Variants in DYM observed in about 807,000 individuals in gnomAD.
The protein encoded by DYM is dyggve-Melchior-Clausen syndrome protein.
In DYM, 78 loss-of-function variants were observed where a neutral mutation model predicts 93.1. The observed-to-expected ratio is 0.84, with a 90% confidence interval of 0.70 to 1.01. The LOEUF (loss-of-function observed/expected upper bound fraction) is 1.01. DYM is among the 50% of genes least tolerant of loss of function. The probability of loss-of-function intolerance (pLI) is 0.00; values close to 1 mark genes in which losing one functional copy is unlikely to be tolerated. For synonymous variants in DYM, 321 were observed against 319.7 expected (o/e 1.00, Z -0.04); for missense variants, 789 against 845.0 (o/e 0.93, Z 0.82).
intron 13 of DYM, among the ~76,000 whole-genome samples, chr18:49,235,364 T>A (rs1241161460): frequency 6.6e-6 from 1 of 152,182 alleles, no homozygotes; most frequent in East Asian, 1.9e-4. Flanking sequence ...ATCTGACTGA[T>A]ACACCTGATG....
At chr18:49,437,488 C>T (rs1297159347) in intron 1 of DYM, among the ~76,000 whole-genome samples, 1 of 152,146 alleles carries the variant, frequency 6.6e-6, no homozygotes, top group Admixed American at 6.6e-5. Flanking sequence ...ATGTCATTCT[C>T]CAATAAGATA....
chr18:49,085,111 C>T (rs937120766), intron 17 of DYM, among the ~76,000 whole-genome samples: 1 of 152,182 alleles, frequency 6.6e-6, no homozygotes, highest in East Asian at 1.9e-4. Flanking sequence ...GTAGATGAGA[C>T]CTTGACTATG....
chr18:49,228,882 C>A (rs2093617440), intron 13 of DYM, among the ~76,000 whole-genome samples: 1 of 151,974 alleles, frequency 6.6e-6, no homozygotes, highest in Non-Finnish European at 1.5e-5. Context: ...CCAAAGAAGA[C>A]CTAAATTCTG....
intron 8 of DYM, among the ~76,000 whole-genome samples, chr18:49,298,049 C>G (rs2060669609): frequency 6.6e-6 from 1 of 152,102 alleles, no homozygotes; most frequent in Admixed American, 6.5e-5. Context: ...CACCTTTTTA[C>G]ATGTATTTAC....
intron 10 of DYM, 79 bp downstream of exon 10, chr18:49,281,918 C>T (rs531185706): frequency 1.5e-5 from 21 of 1,411,606 alleles, no homozygotes; most frequent in South Asian, 7.7e-5. Context: ...CTAACCTGCA[C>T]GCTGTGCCAT....
chr18:49,220,616 C>T (rs1024274165), intron 13 of DYM, among the ~76,000 whole-genome samples: 26 of 152,162 alleles, frequency 1.7e-4, no homozygotes, highest in African/African-American at 6.0e-4. Context: ...CTACAACTAT[C>T]TGATCGTTGA....
chr18:49,058,222 C>T (rs983525913), intron 17 of DYM, among the ~76,000 whole-genome samples: 1 of 152,148 alleles, frequency 6.6e-6, no homozygotes, highest in Non-Finnish European at 1.5e-5. Context: ...ATTTGGAGAT[C>T]TCTAGTCATT....
At chr18:49,428,404 G>T (rs2074499919) in intron 2 of DYM, among the ~76,000 whole-genome samples, 1 of 152,188 alleles carries the variant, frequency 6.6e-6, no homozygotes, top group Non-Finnish European at 1.5e-5. Context: ...TAAATTAGTG[G>T]CTGGACGCAG....
chr18:49,219,268 C>T (rs1490221978), intron 13 of DYM, among the ~76,000 whole-genome samples: 4 of 152,282 alleles, frequency 2.6e-5, no homozygotes, highest in South Asian at 2.1e-4. Flanking sequence ...TAATCAATAG[C>T]TTACCAACCA....
chr18:49,241,064 A>AAT (rs1238998168), intron 13 of DYM, among the ~76,000 whole-genome samples: 1 of 152,136 alleles, frequency 6.6e-6, no homozygotes, highest in Non-Finnish European at 1.5e-5. Flanking sequence ...CCTTGATGCA[A>AAT]ATGTCAGCAC....
chr18:49,241,538 G>A (rs986893427), intron 13 of DYM, among the ~76,000 whole-genome samples: 8 of 152,130 alleles, frequency 5.3e-5, no homozygotes, highest in Non-Finnish European at 1.5e-5. Context: ...AATGACTAAG[G>A]ACCAAAACTA....
chr18:49,312,785 G>A (rs11082748), intron 8 of DYM, among the ~76,000 whole-genome samples: 14,369 of 152,124 alleles, frequency 0.094, 882 homozygotes, highest in East Asian at 0.31. Flanking sequence ...CCAACTTGCA[G>A]AGTGACTAAG....
At chr18:49,161,806 T>G (rs1217648823) in intron 15 of DYM, among the ~76,000 whole-genome samples, 1 of 152,234 alleles carries the variant, frequency 6.6e-6, no homozygotes, top group Admixed American at 6.5e-5. Context: ...TATCTTTGTT[T>G]ATCATTGACT....
At chr18:49,080,880 AG>A (rs2077922137) in intron 17 of DYM, among the ~76,000 whole-genome samples, 1 of 151,498 alleles carries the variant, frequency 6.6e-6, no homozygotes, top group Non-Finnish European at 1.5e-5. Flanking sequence ...GGCCGGGCAG[AG>A]GCGCTCCCCA....
chr18:49,080,345 C>A (rs1180737672), intron 17 of DYM, among the ~76,000 whole-genome samples: 11 of 134,764 alleles, frequency 8.2e-5, no homozygotes, highest in African/African-American at 3.1e-4. Flanking sequence ...GCTGACCCCC[C>A]CCAACTCCCT....
At chr18:49,195,651 A>G (rs1277106244) in intron 14 of DYM, among the ~76,000 whole-genome samples, 1 of 152,162 alleles carries the variant, frequency 6.6e-6, no homozygotes, top group Non-Finnish European at 1.5e-5. Context: ...ATACAACCAC[A>G]AGAAAAAGTT....
At chr18:49,386,879 C>A (rs1467032127) in intron 3 of DYM, among the ~76,000 whole-genome samples, 1 of 152,038 alleles carries the variant, frequency 6.6e-6, no homozygotes, top group African/African-American at 2.4e-5. Flanking sequence ...TCCAACAATA[C>A]GTGCTCACTT....
intron 1 of DYM, among the ~76,000 whole-genome samples, chr18:49,448,832 C>T (rs1317214064): frequency 6.6e-6 from 1 of 152,242 alleles, no homozygotes; most frequent in Non-Finnish European, 1.5e-5. Context: ...TTCTTTTGCA[C>T]AGGGCATGGC....
intron 8 of DYM, among the ~76,000 whole-genome samples, chr18:49,328,817 A>G (rs1412127976): frequency 1.3e-5 from 2 of 152,262 alleles, no homozygotes; most frequent in East Asian, 3.9e-4. Context: ...AAATAGGAAC[A>G]CTTTTACACT....
Sources: allele counts gnomAD v4.1 joint callset (sites outside exome capture counted in the v4.1 genomes callset), GRCh38; gene constraint gnomAD v4.1.1; transcripts MANE v1.5; gene names NCBI Gene and HGNC (gene_info 2026-07-23, HGNC 2026-07-21).